MLLT10: variants seen among roughly 807,000 people sequenced by gnomAD.
The protein encoded by MLLT10 is MLLT10 histone lysine methyltransferase DOT1L cofactor.
MLLT10 carries 30 observed loss-of-function variants against 129.1 expected under a neutral mutation model. The ratio of observed to expected loss-of-function variants is 0.23; its 90% confidence interval spans 0.17 to 0.32. The LOEUF (loss-of-function observed/expected upper bound fraction) is 0.32. MLLT10 is among the 10% of genes least tolerant of loss of function. The probability of loss-of-function intolerance (pLI) is 1.00; values close to 1 mark genes in which losing one functional copy is unlikely to be tolerated. For missense variants in MLLT10, 1,119 were observed against 1,268.3 expected (o/e 0.88, Z 1.79); for synonymous variants, 490 against 446.4 (o/e 1.10, Z -1.23).
In MLLT10 at chr10:21,612,460, G is replaced by A; in HGVS notation, c.509+9G>A. 8 of 1,570,662 alleles carry A rather than the reference G, an allele frequency of 5.1e-6. No individual in the cohort carries two copies. In the East Asian group the frequency reaches 1.1e-4, roughly 22 times the overall value. On this transcript the variant is annotated intron_variant, in intron 6 of 22. Coordinates refer to ENST00000307729, the MANE Select transcript of MLLT10 (RefSeq NM_001195626.3). ...GCTTTCCATGTAACATGGTAAGGATGTTTCCATTGTTGCACAGAACTGAAC... is the reference window on the plus strand; with the variant it reads ...GCTTTCCATGTAACATGGTAAGGATATTTCCATTGTTGCACAGAACTGAAC...
At chr10:21,534,875 G>T in intron 2 of MLLT10, 71 bp downstream of exon 2, 1 of 1,079,224 alleles carries the variant, frequency 9.3e-7, no homozygotes, top group South Asian at 3.5e-5. Context: ...CACCTGGGCC[G>T]CAACCGCCGG....
At chr10:21,602,887 G>A (rs1488271993) in intron 5 of MLLT10, among the ~76,000 whole-genome samples, 1 of 151,264 alleles carries the variant, frequency 6.6e-6, no homozygotes, top group African/African-American at 2.4e-5. Context: ...CCTCCACCAC[G>A]CCCGGCTAAT....
At chr10:21,649,204 T>C (rs1348190389) in intron 8 of MLLT10, among the ~76,000 whole-genome samples, 1 of 152,148 alleles carries the variant, frequency 6.6e-6, no homozygotes, top group Non-Finnish European at 1.5e-5. Flanking sequence ...GCCCTCTTAG[T>C]AGCTGGGACC....
At chr10:21,619,363 G>A (rs1309121097) in intron 8 of MLLT10, among the ~76,000 whole-genome samples, 1 of 152,070 alleles carries the variant, frequency 6.6e-6, no homozygotes, top group Admixed American at 6.5e-5. Flanking sequence ...ATATTATCTT[G>A]TATAAAAAGC....
At chr10:21,697,935 G>A (rs2054528310) in intron 13 of MLLT10, among the ~76,000 whole-genome samples, 1 of 151,854 alleles carries the variant, frequency 6.6e-6, no homozygotes, top group African/African-American at 2.4e-5. Context: ...TTCTTTTATC[G>A]CTACATAATA....
At chr10:21,682,027 T>C (rs1419215501) in intron 12 of MLLT10, among the ~76,000 whole-genome samples, 198 bp from the exon 13 acceptor site, 1 of 152,220 alleles carries the variant, frequency 6.6e-6, no homozygotes, top group Non-Finnish European at 1.5e-5. Context: ...GTTGGTAATA[T>C]GTTGGCAAGT....
chr10:21,592,689 C>T (rs759809427), intron 4 of MLLT10, among the ~76,000 whole-genome samples: 6 of 152,102 alleles, frequency 3.9e-5, no homozygotes, highest in African/African-American at 4.8e-5. Flanking sequence ...ATCTCCTGAC[C>T]GCCTGATCTC....
intron 2 of MLLT10, among the ~76,000 whole-genome samples, chr10:21,535,647 T>A (rs942733177): frequency 3.3e-5 from 5 of 152,216 alleles, no homozygotes; most frequent in Non-Finnish European, 5.9e-5. Flanking sequence ...GTGGCCGACT[T>A]TTCCCCATTT....
intron 3 of MLLT10, among the ~76,000 whole-genome samples, chr10:21,563,074 G>A (rs189675985): frequency 6.6e-6 from 1 of 152,022 alleles, no homozygotes; most frequent in Non-Finnish European, 1.5e-5. Flanking sequence ...GCTTCCTATT[G>A]CACCATCTTC....
At chr10:21,709,207 ATAAC>A (rs2055834799) in intron 13 of MLLT10, among the ~76,000 whole-genome samples, 1 of 150,680 alleles carries the variant, frequency 6.6e-6, no homozygotes, top group Non-Finnish European at 1.5e-5. Flanking sequence ...CACCCCCAAA[ATAAC>A]TAATCAGCAT....
intron 13 of MLLT10, among the ~76,000 whole-genome samples, chr10:21,684,825 CTT>C (rs1011795169): frequency 6.6e-6 from 1 of 152,188 alleles, no homozygotes; most frequent in Non-Finnish European, 1.5e-5. Flanking sequence ...TTCTCCCCGA[CTT>C]TACGTTGCAT....
intron 5 of MLLT10, among the ~76,000 whole-genome samples, chr10:21,610,046 A>C (rs919604149): frequency 3.9e-5 from 6 of 152,152 alleles, no homozygotes; most frequent in Non-Finnish European, 8.8e-5. Context: ...CCTCTGCCCT[A>C]CTGCTCTGGA....
chr10:21,740,279 T>C (rs377085125), intron 22 of MLLT10, 43 bp downstream of exon 22: 30 of 1,580,642 alleles, frequency 1.9e-5, no homozygotes, highest in Non-Finnish European at 2.3e-5. Flanking sequence ...ACAAGAACTG[T>C]ATTGATTAAT....
chr10:21,706,677 A>G (rs2055540825), intron 13 of MLLT10, among the ~76,000 whole-genome samples: 1 of 152,232 alleles, frequency 6.6e-6, no homozygotes, highest in Non-Finnish European at 1.5e-5. Flanking sequence ...AGTGGGAAAT[A>G]GGAACTCAGG....
At chr10:21,584,559 C>T (rs2041810265) in intron 3 of MLLT10, among the ~76,000 whole-genome samples, 1 of 152,114 alleles carries the variant, frequency 6.6e-6, no homozygotes, top group Admixed American at 6.6e-5. Context: ...AGTGGTCCTT[C>T]TGTTTTGGCC....
Position 21,644,373 on chromosome 10 carries a change from G to A in MLLT10, c.700-7300G>A, listed in dbSNP as rs188619875. ...TACGTAATTTTTTGAATATTTTCTC[G>A]TTTTTGAGACGATGGTTTAAGGGCT... On this transcript the variant is annotated intron_variant, in intron 8 of 22. Transcript: ENST00000307729. Among the ~76,000 whole-genome samples the A allele has an allele frequency of 2.9e-4, 44 of 152,000 alleles. 1 individual carries two copies. Among genetic ancestry groups the A allele is most frequent in the Non-Finnish European group, 1.0e-4 (7 of 67,966 alleles).
chr10:21,567,751 T>C (rs2039749287), intron 3 of MLLT10, among the ~76,000 whole-genome samples: 1 of 152,108 alleles, frequency 6.6e-6, no homozygotes, highest in Non-Finnish European at 1.5e-5. Flanking sequence ...CTTCAAGTTT[T>C]CTTTCTGGTT....
intron 8 of MLLT10, among the ~76,000 whole-genome samples, chr10:21,623,226 C>T (rs1391119371): frequency 6.6e-6 from 1 of 152,152 alleles, no homozygotes; most frequent in Non-Finnish European, 1.5e-5. Flanking sequence ...TGAATTCAAC[C>T]TCCAGCCCTT....
chr10:21,690,381 G>T (rs2053734596), intron 13 of MLLT10, among the ~76,000 whole-genome samples: 1 of 152,010 alleles, frequency 6.6e-6, no homozygotes, highest in African/African-American at 2.4e-5. Flanking sequence ...TTCATAATTT[G>T]AATTAATGAA....
Sources: gnomAD v4.1 joint callset for allele counts (sites outside exome capture counted in the v4.1 genomes callset) on GRCh38, gnomAD v4.1.1 for gene constraint, MANE v1.5 for transcripts, NCBI Gene and HGNC (gene_info 2026-07-23, HGNC 2026-07-21) for gene names.